DGKI: variants seen among roughly 807,000 people sequenced by gnomAD.
DGKI encodes diacylglycerol kinase iota.
Under a neutral mutation model 147.5 loss-of-function variants are expected in DGKI, and 55 were observed. The ratio of observed to expected loss-of-function variants is 0.37; its 90% confidence interval spans 0.30 to 0.47. The LOEUF is 0.47. Ranked by LOEUF, DGKI falls within the 20% of genes least tolerant of loss-of-function variation. The pLI, the probability that DGKI is intolerant of heterozygous loss-of-function variation, is 1.00. For synonymous variants in DGKI, 469 were observed against 477.1 expected, an observed-to-expected ratio of 0.98 and a Z score of 0.22; for missense variants, 1,007 against 1,323.8, an observed-to-expected ratio of 0.76 and a Z score of 3.71.
At chr7:137,492,569 G>C (rs183422738) in intron 21 of DGKI, among the ~76,000 whole-genome samples, 4 of 152,282 alleles carry the variant, frequency 2.6e-5, no homozygotes, top group Admixed American at 1.3e-4. Context: ...GGCAGGAGGA[G>C]ACCACAAGAC....
At chr7:137,843,311 T>G in intron 1 of DGKI, 3 of 488,826 alleles carry the variant, frequency 6.1e-6, no homozygotes, top group Non-Finnish European at 8.0e-6. Flanking sequence ...CAGTATATAG[T>G]CATTTACACA....
Position 137,388,867 on chromosome 7 carries a change from C to G in DGKI, c.*2353G>C, listed in dbSNP as rs1811261287. ...CAGGAATCTTACAGTACCAACTCAT[C>G]ATTTTTCATAACACAGATTTATGTC... On this transcript the variant is annotated 3_prime_UTR_variant, in exon 33 of 33. Transcript: ENST00000614521. 1 of 151,638 alleles carries G rather than the reference C, an allele frequency of 6.6e-6. No individual in the cohort carries two copies. The highest frequency in any genetic ancestry group is 1.5e-5 in the Non-Finnish European group (1 of 67,990). The allele number at this position is 151,638 out of a possible 1,614,324, so 9.4% of individuals were successfully genotyped here.
intron 1 of DGKI, among the ~76,000 whole-genome samples, chr7:137,768,639 GAAT>G (rs1356223759): frequency 2.0e-5 from 3 of 152,176 alleles, no homozygotes; most frequent in Non-Finnish European, 2.9e-5. Context: ...GCCCCGGGCA[GAAT>G]CACGCTGTGC....
At chr7:137,420,817 G>C (rs1812538911) in intron 28 of DGKI, among the ~76,000 whole-genome samples, 1 of 152,132 alleles carries the variant, frequency 6.6e-6, no homozygotes, top group Admixed American at 6.5e-5. Context: ...TCAGGAGTTT[G>C]AGATCAGCCT....
intron 28 of DGKI, among the ~76,000 whole-genome samples, chr7:137,436,799 TA>T (rs1267346026): frequency 1.3e-5 from 2 of 152,176 alleles, no homozygotes; most frequent in Admixed American, 1.3e-4. Flanking sequence ...GCGGTAAATA[TA>T]AGAACCAATC....
intron 1 of DGKI, among the ~76,000 whole-genome samples, chr7:137,814,563 G>T (rs1281512726): frequency 6.6e-6 from 1 of 151,954 alleles, no homozygotes; most frequent in East Asian, 1.9e-4. Flanking sequence ...AGCCACAAAG[G>T]GCATGTGTGA....
chr7:137,690,798 A>C (rs1823575749), intron 1 of DGKI, among the ~76,000 whole-genome samples: 2 of 152,154 alleles, frequency 1.3e-5, no homozygotes, highest in South Asian at 4.1e-4. Flanking sequence ...ATTGCTGAGC[A>C]AAGGGAAGGG....
chr7:137,471,058 T>C (rs997414138), intron 23 of DGKI, among the ~76,000 whole-genome samples: 1 of 152,320 alleles, frequency 6.6e-6, no homozygotes, highest in East Asian at 1.9e-4. Flanking sequence ...CTTTTAAAAA[T>C]TAAACATTTT....
At chr7:137,405,112 C>T (rs534208048) in intron 30 of DGKI, among the ~76,000 whole-genome samples, 1 of 152,048 alleles carries the variant, frequency 6.6e-6, no homozygotes, top group African/African-American at 2.4e-5. Context: ...TCATTCATGT[C>T]CCTGGGGCAC....
Position 137,571,282 on chromosome 7 carries a change from A to G in DGKI, c.1840T>C (p.Cys614Arg). 2.5e-6 allele frequency: 4 copies of G among 1,608,948 alleles called. No homozygotes were observed. The highest frequency in any genetic ancestry group is 2.5e-6 in the Non-Finnish European group (3 of 1,177,144). ...CIVFLNIPRY[C>R]AGTMPWGNPG... The stretch of plus-strand genomic sequence containing the variant: ...TTTCCCCAGGGCATTGTGCCAGCAC[A>G]ATATCTGCAAGAGAAGATTAAAGAC... Residue 614 changes from cysteine (C) to arginine (R), a missense_variant, in exon 19 of 33, where the codon TGT becomes CGT. Cys to Arg is a radical substitution (Grantham distance 180, BLOSUM62 -3). This residue lies in a region of DGKI where 224 missense variants were observed against 382.7 expected (regional missense o/e 0.59). Coordinates refer to ENST00000614521, the MANE Select transcript of DGKI (RefSeq NM_001321708.2).
At chr7:137,460,032 T>C (rs1407255527) in intron 27 of DGKI, among the ~76,000 whole-genome samples, 1 of 152,214 alleles carries the variant, frequency 6.6e-6, no homozygotes. Context: ...TTCTAAGAAT[T>C]GAAAGTTTCT....
At chr7:137,689,830 C>T (rs1823543134) in intron 2 of DGKI, 64 bp downstream of exon 2, 1 of 1,161,584 alleles carries the variant, frequency 8.6e-7, no homozygotes, top group Non-Finnish European at 1.2e-6. Flanking sequence ...CTAGAGGAAT[C>T]CTGAGAATGA....
intron 30 of DGKI, among the ~76,000 whole-genome samples, chr7:137,404,877 T>C (rs965088196): frequency 2.0e-5 from 3 of 152,072 alleles, no homozygotes; most frequent in African/African-American, 7.2e-5. Context: ...CTGATTTGTA[T>C]TGGAATGTTA....
rs141499171 is a variant in DGKI at position 137,463,582 on chromosome 7, C to T, written c.2642G>A (p.Arg881Gln). The T allele has an allele frequency of 8.3e-5, 134 of 1,614,130 alleles. 1 individual carries two copies. The African/African-American group carries it at 1.2e-3, about 14-fold the overall frequency. Residue 881 changes from arginine to glutamine, a missense_variant, in exon 27 of 33, where the codon CGG becomes CAG. Arg to Gln is a conservative substitution (Grantham distance 43). Coordinates refer to ENST00000614521, the MANE Select transcript of DGKI (RefSeq NM_001321708.2). The stretch of plus-strand genomic sequence containing the variant: ...CCCACTGTCACTCAGCATGCGTTTC[C>T]GCAGGGCAGGATTCCACCAGTCTGA... ...GISDWWNPALRKRMLSDSGLG... is the reference protein window; with the variant it reads ...GISDWWNPALQKRMLSDSGLG...
intron 10 of DGKI, among the ~76,000 whole-genome samples, chr7:137,607,625 G>T (rs973022619): frequency 6.6e-6 from 1 of 152,260 alleles, no homozygotes; most frequent in Admixed American, 6.5e-5. Context: ...GATATGTGGT[G>T]CTCAGGTGGC....
In DGKI at chr7:137,463,471, C is replaced by A. The variant is rs371540201; in HGVS notation, c.2735+18G>T. 6 of 1,612,670 alleles carry A rather than the reference C, an allele frequency of 3.7e-6. No individual in the cohort carries two copies. The highest frequency in any genetic ancestry group is 5.1e-6 in the Non-Finnish European group (6 of 1,179,576). The stretch of plus-strand genomic sequence containing the variant: ...ATCACAGTGGCACAGAGGAAAAGAA[C>A]AGCAAGAGAACTCTTACTGTAGCAC... On this transcript the variant is annotated intron_variant, in intron 27 of 32. Transcript: ENST00000614521.
At chr7:137,672,364 C>T (rs370208517) in intron 3 of DGKI, among the ~76,000 whole-genome samples, 66 of 152,256 alleles carry the variant, frequency 4.3e-4, no homozygotes, top group African/African-American at 1.5e-3. Context: ...GTGAACAGCC[C>T]GATATGACCA....
intron 1 of DGKI, among the ~76,000 whole-genome samples, chr7:137,742,045 A>G (rs1585431757): frequency 6.6e-6 from 1 of 152,238 alleles, no homozygotes; most frequent in Non-Finnish European, 1.5e-5. Flanking sequence ...AGTTTCTCCA[A>G]ACCAATGGAA....
intron 1 of DGKI, among the ~76,000 whole-genome samples, chr7:137,700,712 T>C (rs868640396): frequency 1.3e-5 from 2 of 151,992 alleles, no homozygotes; most frequent in Non-Finnish European, 2.9e-5. Flanking sequence ...ACCTCTTCTC[T>C]ACTAAAAATA....
Sources: allele counts gnomAD v4.1 joint callset (sites outside exome capture counted in the v4.1 genomes callset), GRCh38; gene constraint gnomAD v4.1.1; regional missense constraint gnomAD v4.1.1; transcripts MANE v1.5; gene names NCBI Gene and HGNC (gene_info 2026-07-23, HGNC 2026-07-21).